The following GPM6A variants were observed in gnomAD, a reference collection of about 807,000 sequenced individuals.
GPM6A encodes the protein neuronal membrane glycoprotein M6-a.
GPM6A carries 7 observed loss-of-function variants against 32.1 expected under a neutral mutation model. The observed-to-expected ratio is 0.22, with a 90% CI of 0.12 to 0.41. GPM6A has a LOEUF of 0.41. Ranked by LOEUF, GPM6A falls within the 10% of genes least tolerant of loss-of-function variation. The pLI is 1.00. For synonymous variants in GPM6A, 130 were observed against 123.4 expected, an observed-to-expected ratio of 1.05 and a Z score of -0.35; for missense variants, 235 against 347.2, an observed-to-expected ratio of 0.68 and a Z score of 2.57.
chr4:175,915,848 GT>G, intron 1 of GPM6A, among the ~76,000 whole-genome samples: 1 of 152,186 alleles, frequency 6.6e-6, no homozygotes, highest in East Asian at 1.9e-4. Flanking sequence ...TTGGTGGTTT[GT>G]TGTTTTGCTT....
At chr4:175,789,433 A>G (rs1481952615) in intron 1 of GPM6A, among the ~76,000 whole-genome samples, 5 of 152,166 alleles carry the variant, frequency 3.3e-5, no homozygotes, top group Admixed American at 1.3e-4. Context: ...GAAGCTGTAA[A>G]TCCATTATGT....
intron 1 of GPM6A, among the ~76,000 whole-genome samples, chr4:175,752,230 C>A (rs1732363738): frequency 6.6e-6 from 1 of 152,106 alleles, no homozygotes; most frequent in South Asian, 2.1e-4. Context: ...TCTAACTAGT[C>A]CAAGATGATG....
intron 1 of GPM6A, among the ~76,000 whole-genome samples, chr4:175,772,799 A>G (rs183919410): frequency 1.8e-4 from 27 of 152,258 alleles, no homozygotes; most frequent in African/African-American, 6.0e-4. Flanking sequence ...AAAGAGAGAC[A>G]GAGAGAGAAA....
At chr4:175,825,814 T>C (rs1026514093) in intron 1 of GPM6A, among the ~76,000 whole-genome samples, 6 of 152,182 alleles carry the variant, frequency 3.9e-5, no homozygotes, top group African/African-American at 1.4e-4. Flanking sequence ...TATTTTTATG[T>C]GGTACAACAC....
intron 1 of GPM6A, among the ~76,000 whole-genome samples, chr4:175,772,958 G>C (rs538173063): frequency 6.6e-6 from 1 of 152,230 alleles, no homozygotes; most frequent in South Asian, 2.1e-4. Context: ...ATTCACCTTA[G>C]GTCTTGGCCA....
At chr4:175,816,923 G>T (rs562663332), upstream of GPM6A, among the ~76,000 whole-genome samples, 45 of 151,930 alleles carry the variant, frequency 3.0e-4, no homozygotes, top group East Asian at 8.7e-3. Flanking sequence ...GCAGCGGCGC[G>T]GTCTCGGCTC....
At chr4:175,999,359 A>G (rs1741405686) in intron 1 of GPM6A, among the ~76,000 whole-genome samples, 1 of 152,228 alleles carries the variant, frequency 6.6e-6, no homozygotes, top group Non-Finnish European at 1.5e-5. Flanking sequence ...TTAGCCCTGC[A>G]GTTTTTTTAG....
chr4:175,870,872 T>A (rs562213791), intron 1 of GPM6A, among the ~76,000 whole-genome samples: 1 of 152,282 alleles, frequency 6.6e-6, no homozygotes, highest in South Asian at 2.1e-4. Context: ...AGAAGAAGTA[T>A]CTTTTTAAAG....
chr4:175,787,621 G>GTATC, intron 1 of GPM6A: 1 of 1,308,810 alleles, frequency 7.6e-7, no homozygotes, highest in South Asian at 2.0e-5. Flanking sequence ...CACAACCCAT[G>GTATC]TATCTAATTG....
intron 1 of GPM6A, among the ~76,000 whole-genome samples, chr4:175,914,746 G>A (rs1037258560): frequency 7.2e-5 from 11 of 152,114 alleles, no homozygotes; most frequent in African/African-American, 1.2e-4. Flanking sequence ...GCGAGGGGGG[G>A]CCACTTGGGG....
intron 1 of GPM6A, among the ~76,000 whole-genome samples, chr4:175,873,957 A>G (rs1396892543): frequency 6.6e-6 from 1 of 152,208 alleles, no homozygotes; most frequent in African/African-American, 2.4e-5. Context: ...TAATTTAACA[A>G]TTATTGACTG....
chr4:175,813,093 CA>C (rs1734991953), upstream of GPM6A: 1 of 982,078 alleles, frequency 1.0e-6, no homozygotes, highest in Non-Finnish European at 1.2e-6. Flanking sequence ...GGGAGAAAAC[CA>C]CTGGAAGGAA....
intron 6 of GPM6A, among the ~76,000 whole-genome samples, chr4:175,637,182 CA>C (rs1740697174): frequency 2.3e-5 from 2 of 85,714 alleles, no homozygotes; most frequent in East Asian, 3.1e-4. Flanking sequence ...ATATATGTGA[CA>C]TATATCATAT....
intron 1 of GPM6A, among the ~76,000 whole-genome samples, chr4:175,797,868 A>G (rs1401684202): frequency 6.6e-6 from 1 of 152,072 alleles, no homozygotes; most frequent in African/African-American, 2.4e-5. Flanking sequence ...CTTTATCTTG[A>G]TATATAAATT....
chr4:175,972,569 G>A (rs1056561660), intron 1 of GPM6A, among the ~76,000 whole-genome samples: 1 of 152,158 alleles, frequency 6.6e-6, no homozygotes, highest in African/African-American at 2.4e-5. Flanking sequence ...AATAAAATCT[G>A]AAATGGTAAT....
At chr4:175,819,700 T>C (rs1735215857) in intron 1 of GPM6A, among the ~76,000 whole-genome samples, 1 of 152,196 alleles carries the variant, frequency 6.6e-6, no homozygotes, top group South Asian at 2.1e-4. Context: ...CCAAAGCCCA[T>C]TCTTTGAACC....
At chr4:175,739,749 G>A (rs549514110) in intron 1 of GPM6A, among the ~76,000 whole-genome samples, 17 of 152,122 alleles carry the variant, frequency 1.1e-4, no homozygotes, top group Middle Eastern at 3.4e-3. Flanking sequence ...AGAATCCTGA[G>A]TCACTTGGCT....
intron 1 of GPM6A, among the ~76,000 whole-genome samples, chr4:175,733,766 A>T (rs988015939): frequency 2.0e-5 from 3 of 152,236 alleles, no homozygotes; most frequent in African/African-American, 7.2e-5. Flanking sequence ...TCCTGTTTTC[A>T]AGCTTGATTG....
chr4:175,895,127 T>A (rs757523619), intron 1 of GPM6A, among the ~76,000 whole-genome samples: 3 of 152,112 alleles, frequency 2.0e-5, no homozygotes, highest in Admixed American at 6.5e-5. Flanking sequence ...CAAAACAAAA[T>A]CTTCTTTGAT....
Sources: allele counts gnomAD v4.1 joint callset (sites outside exome capture counted in the v4.1 genomes callset), GRCh38; gene constraint gnomAD v4.1.1; transcripts MANE v1.5; gene names NCBI Gene and HGNC (gene_info 2026-07-23, HGNC 2026-07-21).